The following SMYD3 variants were observed in gnomAD, a reference collection of about 807,000 sequenced individuals.
The protein encoded by SMYD3 is histone-lysine N-methyltransferase SMYD3.
A neutral mutation model predicts 57.7 loss-of-function variants in SMYD3; 36 were observed. That is an observed-to-expected ratio of 0.62 (90% CI 0.48 to 0.82). The LOEUF is 0.82. Among genes scored for constraint, SMYD3 ranks in the 40% least tolerant of loss-of-function variants. The pLI, the probability that SMYD3 is intolerant of heterozygous loss-of-function variation, is 0.00. For missense variants in SMYD3, 515 were observed against 538.8 expected (o/e 0.96, Z 0.44); for synonymous variants, 211 against 195.0 (o/e 1.08, Z -0.68).
At position 246,211,256 on chromosome 1, in the gene SMYD3, G is replaced by A. The variant is rs143965019; in HGVS notation, c.531+115945C>T. Among the ~76,000 whole-genome samples, 4 of 152,202 alleles carry A rather than the reference G, an allele frequency of 2.6e-5. 1 individual carries two copies. The highest frequency in any genetic ancestry group is 7.2e-5 in the African/African-American group (3 of 41,512). ...GCTCATTGACTTTATTTGCTATACC[G>A]TTTCATTCTGCCATTTTAGCATTGA... On this transcript the variant is annotated intron_variant, in intron 5 of 11. Transcript: ENST00000490107.
At chr1:246,296,025 TC>T (rs1478335701) in intron 5 of SMYD3, among the ~76,000 whole-genome samples, 1 of 152,186 alleles carries the variant, frequency 6.6e-6, no homozygotes, top group African/African-American at 2.4e-5. Flanking sequence ...TCCAGGACAT[TC>T]TTGGATGTTT....
chr1:246,328,403 A>G (rs2065393859), intron 4 of SMYD3, among the ~76,000 whole-genome samples: 1 of 152,254 alleles, frequency 6.6e-6, no homozygotes, highest in Middle Eastern at 3.2e-3. Flanking sequence ...GGTCATGTGT[A>G]TGACACTAGT....
intron 5 of SMYD3, among the ~76,000 whole-genome samples, chr1:246,104,898 C>A (rs895726908): frequency 1.3e-5 from 2 of 152,044 alleles, no homozygotes; most frequent in Non-Finnish European, 2.9e-5. Context: ...AGCTGGAGAG[C>A]AGAGCAATGA....
chr1:246,464,582 C>T (rs1390852040), intron 1 of SMYD3, among the ~76,000 whole-genome samples: 1 of 152,204 alleles, frequency 6.6e-6, no homozygotes, highest in African/African-American at 2.4e-5. Context: ...GGCCAAAATA[C>T]ACGGGATCCA....
chr1:246,187,516 T>C (rs1245680478), intron 5 of SMYD3, among the ~76,000 whole-genome samples: 3 of 152,182 alleles, frequency 2.0e-5, no homozygotes, highest in Admixed American at 1.3e-4. Context: ...AAGAGGATCA[T>C]TGCAGAAAAC....
chr1:246,401,339 C>CTT (rs34797156), intron 1 of SMYD3, among the ~76,000 whole-genome samples: 37 of 147,130 alleles, frequency 2.5e-4, no homozygotes, highest in African/African-American at 9.2e-4. Context: ...TCTATTTAAA[C>CTT]TTTTTTTTTT....
chr1:246,163,438 A>G (rs1475701388), intron 5 of SMYD3, among the ~76,000 whole-genome samples: 1 of 152,204 alleles, frequency 6.6e-6, no homozygotes. Context: ...ATACATATTC[A>G]CTACGAGGCC....
At chr1:246,070,144 A>G (rs2060417917) in intron 5 of SMYD3, among the ~76,000 whole-genome samples, 2 of 152,054 alleles carry the variant, frequency 1.3e-5, no homozygotes, top group Non-Finnish European at 2.9e-5. Flanking sequence ...CACACCGAAA[A>G]CTAGTGAGGT....
At chr1:246,445,207 T>C (rs1432990316) in intron 1 of SMYD3, among the ~76,000 whole-genome samples, 1 of 152,212 alleles carries the variant, frequency 6.6e-6, no homozygotes, top group African/African-American at 2.4e-5. Context: ...CTTAATAAAA[T>C]ATGTCCACCA....
intron 5 of SMYD3, among the ~76,000 whole-genome samples, chr1:246,318,581 C>T (rs1007630676): frequency 1.3e-5 from 2 of 152,118 alleles, no homozygotes; most frequent in African/African-American, 4.8e-5. Flanking sequence ...TAGAGAGACA[C>T]AGTATTCCAG....
At chr1:246,412,423 C>T (rs1427817071) in intron 1 of SMYD3, among the ~76,000 whole-genome samples, 1 of 152,096 alleles carries the variant, frequency 6.6e-6, no homozygotes, top group East Asian at 1.9e-4. Context: ...CTTTTCAATG[C>T]CTTCTATTTG....
chr1:245,864,140 C>G (rs545002740), intron 8 of SMYD3, among the ~76,000 whole-genome samples: 1 of 152,320 alleles, frequency 6.6e-6, no homozygotes, highest in Non-Finnish European at 1.5e-5. Flanking sequence ...CCCTCATACA[C>G]TGCACATGAG....
intron 5 of SMYD3, among the ~76,000 whole-genome samples, chr1:246,149,323 A>G (rs2061906139): frequency 6.6e-6 from 1 of 152,176 alleles, no homozygotes; most frequent in Admixed American, 6.5e-5. Context: ...AGAATTTAGG[A>G]TTCCTGTCCC....
chr1:246,175,595 G>A (rs1022694314), intron 5 of SMYD3, among the ~76,000 whole-genome samples: 2 of 152,080 alleles, frequency 1.3e-5, no homozygotes, highest in Non-Finnish European at 2.9e-5. Flanking sequence ...GTGAACTATC[G>A]AGGAAGACAG....
At position 246,459,294 on chromosome 1, in the gene SMYD3, A is replaced by C. The variant is rs187066217; in HGVS notation, c.164+47760T>G. ...TCCTCAAGAGATCTTGTTATTTGAAAGTGGCTCCTGCTCTGCTGTTCTCAT... is the reference window on the plus strand; with the variant it reads ...TCCTCAAGAGATCTTGTTATTTGAACGTGGCTCCTGCTCTGCTGTTCTCAT... On this transcript the variant is annotated intron_variant, in intron 1 of 11. Coordinates refer to ENST00000490107, the MANE Select transcript of SMYD3 (RefSeq NM_001167740.2). 4.0e-3 allele frequency among the ~76,000 whole-genome samples: 575 copies of C among 144,000 alleles called. 4 individuals are homozygous for C. Among genetic ancestry groups the C allele is most frequent in the Non-Finnish European group, 5.4e-3 (364 of 66,952 alleles). 94.5% of individuals were successfully genotyped at this position (144,000 alleles called of 152,430 possible).
intron 5 of SMYD3, among the ~76,000 whole-genome samples, chr1:245,977,545 G>GGC (rs2058479404): frequency 1.3e-5 from 2 of 152,238 alleles, no homozygotes; most frequent in East Asian, 1.9e-4. Flanking sequence ...CAGGTGTGGT[G>GGC]GTGCATGCCT....
chr1:246,330,568 C>T (rs933728090), intron 3 of SMYD3, 31 bp from the exon 4 acceptor site: 11 of 1,562,368 alleles, frequency 7.0e-6, no homozygotes, highest in Non-Finnish European at 9.5e-6. Flanking sequence ...ACGCCAATAA[C>T]AATTTCAAGT....
At chr1:246,096,865 A>T (rs921981365) in intron 5 of SMYD3, among the ~76,000 whole-genome samples, 3 of 152,202 alleles carry the variant, frequency 2.0e-5, no homozygotes, top group Non-Finnish European at 4.4e-5. Flanking sequence ...CCACCAAATG[A>T]TCTGTCCATC....
At chr1:245,935,556 CTAAAA>C (rs370905523) in intron 5 of SMYD3, among the ~76,000 whole-genome samples, 3 of 152,154 alleles carry the variant, frequency 2.0e-5, no homozygotes, top group African/African-American at 7.2e-5. Flanking sequence ...ACTCAACTAA[CTAAAA>C]TAAGAGATAT....
Sources: gnomAD v4.1 joint callset for allele counts (sites outside exome capture counted in the v4.1 genomes callset) on GRCh38, gnomAD v4.1.1 for gene constraint, MANE v1.5 for transcripts, NCBI Gene and HGNC (gene_info 2026-07-23, HGNC 2026-07-21) for gene names.